The following SBF2 variants were observed in gnomAD, a reference collection of about 807,000 sequenced individuals.
The protein encoded by SBF2 is myotubularin-related protein 13.
Under a neutral mutation model 225.2 loss-of-function variants are expected in SBF2, and 112 were observed. That is an observed-to-expected ratio of 0.50 (90% CI 0.43 to 0.58). The LOEUF (loss-of-function observed/expected upper bound fraction) is 0.58, where lower values mean the gene tolerates loss of function less well. Ranked by LOEUF, SBF2 falls within the 20% of genes least tolerant of loss-of-function variation. The probability of loss-of-function intolerance (pLI) is 0.00; values close to 1 mark genes in which losing one functional copy is unlikely to be tolerated. For synonymous variants in SBF2, 763 were observed against 773.3 expected (o/e 0.99, Z 0.22); for missense variants, 1,996 against 2,206.2 (o/e 0.90, Z 1.91).
intron 1 of SBF2, among the ~76,000 whole-genome samples, chr11:10,251,405 A>G (rs1960333620): frequency 6.6e-6 from 1 of 152,238 alleles, no homozygotes; most frequent in Admixed American, 6.5e-5. Flanking sequence ...CAGACTTTAC[A>G]TTTTCTTGTG....
chr11:9,880,678 A>G (rs542695969), intron 17 of SBF2, among the ~76,000 whole-genome samples: 1 of 152,324 alleles, frequency 6.6e-6, no homozygotes, highest in African/African-American at 2.4e-5. Flanking sequence ...GCCCTACTCA[A>G]GAGTATGGTA....
chr11:9,963,627 T>C (rs1332169275), intron 15 of SBF2, 146 bp downstream of exon 15: 1 of 606,290 alleles, frequency 1.6e-6, no homozygotes, highest in Non-Finnish European at 2.9e-6. Flanking sequence ...TCTTAGACAC[T>C]ATTCATTTAA....
At chr11:10,068,099 G>A (rs1215071945) in intron 2 of SBF2, among the ~76,000 whole-genome samples, 1 of 152,208 alleles carries the variant, frequency 6.6e-6, no homozygotes, top group Non-Finnish European at 1.5e-5. Flanking sequence ...GCTGCAGGCA[G>A]CAGAAATTCT....
intron 2 of SBF2, among the ~76,000 whole-genome samples, chr11:10,171,998 T>C: frequency 6.6e-6 from 1 of 152,204 alleles, no homozygotes; most frequent in South Asian, 2.1e-4. Context: ...ACGTCTTCTT[T>C]TTAATCTCTG....
chr11:9,810,083 C>T (rs1854093164), intron 30 of SBF2, among the ~76,000 whole-genome samples: 1 of 152,006 alleles, frequency 6.6e-6, no homozygotes, highest in Admixed American at 6.6e-5. Context: ...TTGAGACCAC[C>T]TGGGCAACAT....
intron 2 of SBF2, among the ~76,000 whole-genome samples, chr11:10,079,600 T>C (rs1307304888): frequency 1.3e-5 from 2 of 152,094 alleles, no homozygotes; most frequent in African/African-American, 2.4e-5. Flanking sequence ...TATGGAACTA[T>C]AAAAACAAGA....
intron 14 of SBF2, among the ~76,000 whole-genome samples, chr11:9,967,570 G>A (rs1195354054): frequency 6.6e-6 from 1 of 152,102 alleles, no homozygotes; most frequent in East Asian, 1.9e-4. Context: ...AGGTGGTTTG[G>A]GGAGGAAATG....
intron 3 of SBF2, among the ~76,000 whole-genome samples, chr11:10,041,715 T>TAA (rs1949664111): frequency 1.3e-5 from 2 of 151,574 alleles, no homozygotes; most frequent in African/African-American, 4.8e-5. Flanking sequence ...ATTCAGATCT[T>TAA]AGAGTTTAAT....
intron 21 of SBF2, among the ~76,000 whole-genome samples, chr11:9,850,749 T>C (rs7935532): frequency 0.29 from 44,252 of 152,126 alleles, 7,184 homozygotes; most frequent in African/African-American, 0.43. Flanking sequence ...AGTAAAGTCA[T>C]TGAGAAATAA....
chr11:9,876,016 T>C (rs886408675), intron 17 of SBF2, among the ~76,000 whole-genome samples: 2 of 151,576 alleles, frequency 1.3e-5, no homozygotes, highest in African/African-American at 2.4e-5. Context: ...AAAAGAAACA[T>C]AACAAAGGTC....
chr11:9,879,779 A>G (rs1439744138), intron 17 of SBF2, among the ~76,000 whole-genome samples: 1 of 152,126 alleles, frequency 6.6e-6, no homozygotes, highest in Non-Finnish European at 1.5e-5. Context: ...ACAGTTAAAC[A>G]TTTGTTTCAG....
chr11:10,125,877 G>A (rs1207801698), intron 2 of SBF2, among the ~76,000 whole-genome samples: 1 of 152,066 alleles, frequency 6.6e-6, no homozygotes, highest in Non-Finnish European at 1.5e-5. Flanking sequence ...CAGAAATTTT[G>A]TAGAATGTTC....
At chr11:10,226,296 GT>G (rs1958539609) in intron 1 of SBF2, among the ~76,000 whole-genome samples, 1 of 151,858 alleles carries the variant, frequency 6.6e-6, no homozygotes, top group Non-Finnish European at 1.5e-5. Context: ...AACAAAACAT[GT>G]TTTTTGCATG....
rs1056755131 is a variant in SBF2 at position 10,133,473 on chromosome 11, C to T, written c.141+60429G>A. On this transcript the variant is annotated intron_variant, in intron 2 of 39. Transcript: ENST00000256190. Reference sequence around the variant, plus strand: ...CCGTGGGAGGGCAGCCAAGGCCCAGCGAGAAATCGAACGCAGTGCCGGTGG... The same window carrying T: ...CCGTGGGAGGGCAGCCAAGGCCCAGTGAGAAATCGAACGCAGTGCCGGTGG... 7.0e-5 allele frequency among the ~76,000 whole-genome samples: 10 copies of T among 143,278 alleles called. 1 individual carries two copies. Among genetic ancestry groups the T allele is most frequent in the East Asian group, 6.7e-4 (3 of 4,476 alleles). 94.0% of individuals were successfully genotyped at this position (143,278 alleles called of 152,430 possible).
At chr11:9,886,699 G>GTT (rs61240594) in intron 17 of SBF2, among the ~76,000 whole-genome samples, 42 of 133,766 alleles carry the variant, frequency 3.1e-4, no homozygotes, top group African/African-American at 1.1e-3. Context: ...TGATTCATGT[G>GTT]TTTTTTTTTT....
intron 1 of SBF2, among the ~76,000 whole-genome samples, chr11:10,242,873 A>G (rs1565393796): frequency 1.3e-5 from 2 of 152,348 alleles, no homozygotes; most frequent in African/African-American, 4.8e-5. Context: ...ATAGATAGCA[A>G]TAGAAAAATA....
intron 4 of SBF2, 89 bp downstream of exon 4, chr11:10,030,959 T>C: frequency 1.8e-6 from 2 of 1,137,090 alleles, no homozygotes; most frequent in Non-Finnish European, 2.6e-6. Flanking sequence ...AATCTAACAA[T>C]ATTTTCAATC....
intron 6 of SBF2, among the ~76,000 whole-genome samples, chr11:10,021,435 C>T (rs918966102): frequency 6.6e-6 from 1 of 150,664 alleles, no homozygotes; most frequent in African/African-American, 2.4e-5. Context: ...TTCACATAGG[C>T]TGCCAAAAAA....
At chr11:10,093,927 G>A (rs1221781941) in intron 2 of SBF2, among the ~76,000 whole-genome samples, 2 of 152,146 alleles carry the variant, frequency 1.3e-5, no homozygotes, top group East Asian at 1.9e-4. Context: ...ATTCAGTAAT[G>A]GTAAGGTGGC....
Sources: allele counts gnomAD v4.1 joint callset (sites outside exome capture counted in the v4.1 genomes callset), GRCh38; gene constraint gnomAD v4.1.1; transcripts MANE v1.5; gene names NCBI Gene and HGNC (gene_info 2026-07-23, HGNC 2026-07-21).